Variants in GLIS3 observed in about 807,000 individuals in gnomAD.
The protein encoded by GLIS3 is zinc finger protein GLIS3.
Under a neutral mutation model 78.6 loss-of-function variants are expected in GLIS3, and 53 were observed. That is an observed-to-expected ratio of 0.67 (90% CI 0.54 to 0.85). The LOEUF is 0.85. GLIS3 is among the 40% of genes least tolerant of loss of function. The probability of loss-of-function intolerance (pLI) is 0.00; values close to 1 mark genes in which losing one functional copy is unlikely to be tolerated. For missense variants in GLIS3, 1,703 were observed against 1,231.1 expected (o/e 1.38, Z -5.74); for synonymous variants, 684 against 509.9 (o/e 1.34, Z -4.60).
At chr9:3,949,972 C>G (rs1041385165) in intron 4 of GLIS3, among the ~76,000 whole-genome samples, 1 of 152,204 alleles carries the variant, frequency 6.6e-6, no homozygotes, top group African/African-American at 2.4e-5. Context: ...CATCTCTACA[C>G]TGAGGGCTCA....
At chr9:4,121,654 CACACACA>C (rs1564082431) in intron 3 of GLIS3, among the ~76,000 whole-genome samples, 31 of 151,588 alleles carry the variant, frequency 2.0e-4, no homozygotes, top group African/African-American at 6.8e-4. Context: ...CACACACACA[CACACACA>C]CCCCAAAGTT....
upstream of GLIS3, among the ~76,000 whole-genome samples, chr9:4,304,592 G>A (rs896161373): frequency 1.3e-5 from 2 of 152,112 alleles, no homozygotes; most frequent in Non-Finnish European, 2.9e-5. Flanking sequence ...AAAAGAAATG[G>A]AAAATAGGGA....
intron 2 of GLIS3, among the ~76,000 whole-genome samples, chr9:4,326,237 A>G (rs537922981): frequency 6.6e-6 from 1 of 152,344 alleles, no homozygotes; most frequent in South Asian, 2.1e-4. Flanking sequence ...TAGTCTGTTG[A>G]AGAAAAATAT....
intron 2 of GLIS3, among the ~76,000 whole-genome samples, chr9:4,327,547 A>G (rs1304017794): frequency 6.6e-6 from 1 of 152,154 alleles, no homozygotes; most frequent in Non-Finnish European, 1.5e-5. Flanking sequence ...ATGAATTGAA[A>G]TGAATTGGGT....
intron 4 of GLIS3, among the ~76,000 whole-genome samples, chr9:3,973,835 G>T (rs185669882): frequency 2.4e-4 from 37 of 152,086 alleles, no homozygotes; most frequent in African/African-American, 8.2e-4. Flanking sequence ...ATTAAGAAGG[G>T]AAACCATTAA....
the GLIS3 span, among the ~76,000 whole-genome samples, chr9:4,385,010 G>A: frequency 1.3e-5 from 2 of 152,324 alleles, no homozygotes; most frequent in African/African-American, 4.8e-5. Flanking sequence ...GAAACCAAGG[G>A]CAGATGCCTC....
chr9:4,211,094 G>T (rs570102631), intron 2 of GLIS3, among the ~76,000 whole-genome samples: 3 of 152,168 alleles, frequency 2.0e-5, no homozygotes, highest in Non-Finnish European at 4.4e-5. Context: ...AATTCCTTGA[G>T]CATCTGCACC....
At chr9:4,150,352 G>A (rs563977477) in intron 2 of GLIS3, among the ~76,000 whole-genome samples, 3 of 152,152 alleles carry the variant, frequency 2.0e-5, no homozygotes, top group Non-Finnish European at 2.9e-5. Flanking sequence ...TTCACATAAG[G>A]AGGAGGAAAA....
intron 4 of GLIS3, among the ~76,000 whole-genome samples, chr9:4,000,413 CAG>C (rs534167054): frequency 4.9e-4 from 75 of 152,164 alleles, no homozygotes; most frequent in Non-Finnish European, 8.4e-4. Context: ...GAAAGAGACA[CAG>C]AGATTCTAAC....
chr9:4,407,427 C>T, the GLIS3 span, among the ~76,000 whole-genome samples: 8 of 152,186 alleles, frequency 5.3e-5, no homozygotes, highest in Admixed American at 2.6e-4. Flanking sequence ...AGGTGGATCA[C>T]GAGGTCAGGA....
chr9:4,256,190 C>A (rs1312676495), intron 2 of GLIS3, among the ~76,000 whole-genome samples: 1 of 152,112 alleles, frequency 6.6e-6, no homozygotes, highest in African/African-American at 2.4e-5. Context: ...AAGAGCATCA[C>A]AGTTCAATGA....
intron 1 of GLIS3, among the ~76,000 whole-genome samples, chr9:4,289,032 A>G (rs1409137137): frequency 1.3e-5 from 2 of 152,190 alleles, no homozygotes; most frequent in African/African-American, 4.8e-5. Flanking sequence ...CATATGATGA[A>G]GATATAATCC....
the GLIS3 span, among the ~76,000 whole-genome samples, chr9:4,444,531 A>G: frequency 2.5e-5 from 3 of 121,166 alleles, no homozygotes; most frequent in Non-Finnish European, 3.8e-5. Flanking sequence ...TTGTATTCCA[A>G]CAACTTCAAA....
intron 2 of GLIS3, among the ~76,000 whole-genome samples, chr9:4,278,920 G>T (rs1456401456): frequency 6.6e-6 from 1 of 152,160 alleles, no homozygotes; most frequent in African/African-American, 2.4e-5. Flanking sequence ...TAGTGTTCTT[G>T]TCAAAAATAT....
At chr9:4,382,581 AG>A in the GLIS3 span, among the ~76,000 whole-genome samples, 1 of 152,166 alleles carries the variant, frequency 6.6e-6, no homozygotes, top group Admixed American at 6.5e-5. Context: ...GTTAGCAATC[AG>A]TTTTTCTCTT....
chr9:4,249,088 C>G (rs1824097304), intron 2 of GLIS3, among the ~76,000 whole-genome samples: 1 of 152,034 alleles, frequency 6.6e-6, no homozygotes, highest in African/African-American at 2.4e-5. Flanking sequence ...GTCCTTTTTG[C>G]TTAGGGTTGT....
intron 2 of GLIS3, among the ~76,000 whole-genome samples, chr9:4,138,391 T>A (rs946393233): frequency 6.6e-6 from 1 of 152,096 alleles, no homozygotes; most frequent in Non-Finnish European, 1.5e-5. Flanking sequence ...CAGGAAACAA[T>A]TGGCAAACAC....
At chr9:4,102,785 CT>C (rs1564052892) in intron 4 of GLIS3, among the ~76,000 whole-genome samples, 1 of 152,018 alleles carries the variant, frequency 6.6e-6, no homozygotes, top group African/African-American at 2.4e-5. Context: ...ACTGGATATG[CT>C]TTTTTTCGTA....
the GLIS3 span, among the ~76,000 whole-genome samples, chr9:4,421,240 A>G: frequency 3.3e-5 from 5 of 152,202 alleles, no homozygotes; most frequent in Non-Finnish European, 7.3e-5. Context: ...TGAGCCTGCT[A>G]TCCCACAGGA....
Sources: allele counts gnomAD v4.1 joint callset (sites outside exome capture counted in the v4.1 genomes callset), GRCh38; gene constraint gnomAD v4.1.1; transcripts MANE v1.5; gene names NCBI Gene and HGNC (gene_info 2026-07-23, HGNC 2026-07-21).